PCDH9: variants seen among roughly 807,000 people sequenced by gnomAD.
PCDH9 encodes the protein protocadherin-9.
PCDH9 carries 24 observed loss-of-function variants against 70.6 expected under a neutral mutation model. That is an observed-to-expected ratio of 0.34 (90% CI 0.25 to 0.48). The LOEUF (loss-of-function observed/expected upper bound fraction) is 0.48, where lower values mean the gene tolerates loss of function less well. PCDH9 is among the 20% of genes least tolerant of loss of function. The pLI, the probability that PCDH9 is intolerant of heterozygous loss-of-function variation, is 0.99. For missense variants in PCDH9, 1,281 were observed against 1,503.6 expected (o/e 0.85, Z 2.45); for synonymous variants, 562 against 558.5 (o/e 1.01, Z -0.09).
rs561490676 is a variant in PCDH9 at position 66,393,243 on chromosome 13, G to T, written c.3341-88215C>A. On this transcript the variant is annotated intron_variant, in intron 4 of 4. Coordinates refer to ENST00000377865, the MANE Select transcript of PCDH9 (RefSeq NM_203487.3). ...TAATAGAAAATTCAGAATACAGGTG[G>T]TATTTCATGTCTACAAGTAGCCACT... is the stretch of plus-strand genomic sequence containing the variant. Among the ~76,000 whole-genome samples the T allele has an allele frequency of 6.7e-5, 10 of 148,496 alleles. No individual in the cohort carries two copies. The South Asian group carries it at 2.1e-3, about 32-fold the overall frequency.
At chr13:66,747,698 T>C (rs368808226) in intron 3 of PCDH9, among the ~76,000 whole-genome samples, 1 of 152,086 alleles carries the variant, frequency 6.6e-6, no homozygotes, top group East Asian at 1.9e-4. Context: ...AAAAATAAAA[T>C]ATTCTCAATG....
At chr13:66,833,574 T>C (rs549929605) in intron 3 of PCDH9, among the ~76,000 whole-genome samples, 1 of 152,344 alleles carries the variant, frequency 6.6e-6, no homozygotes, top group African/African-American at 2.4e-5. Flanking sequence ...CAATTTCTCA[T>C]CTTTGTAGTC....
chr13:66,557,217 A>T (rs541481233), intron 4 of PCDH9, among the ~76,000 whole-genome samples: 1 of 152,330 alleles, frequency 6.6e-6, no homozygotes, highest in South Asian at 2.1e-4. Flanking sequence ...TTGTGCATAA[A>T]CCATTCAAAA....
chr13:66,870,352 A>G (rs1459556744), intron 3 of PCDH9, among the ~76,000 whole-genome samples: 1 of 152,184 alleles, frequency 6.6e-6, no homozygotes, highest in Non-Finnish European at 1.5e-5. Context: ...GAAGTCAGGT[A>G]GCATGATGCC....
chr13:66,823,467 T>C (rs1317870553), intron 3 of PCDH9, among the ~76,000 whole-genome samples: 1 of 151,832 alleles, frequency 6.6e-6, no homozygotes, highest in Non-Finnish European at 1.5e-5. Context: ...CTTCAAAATA[T>C]TGAATTTGCA....
At chr13:66,479,296 A>G (rs954292082) in intron 4 of PCDH9, among the ~76,000 whole-genome samples, 1 of 152,236 alleles carries the variant, frequency 6.6e-6, no homozygotes, top group African/African-American at 2.4e-5. Flanking sequence ...GAAGCAGATT[A>G]ATGTTTTCAT....
chr13:66,574,662 G>C (rs1213138460), intron 4 of PCDH9, among the ~76,000 whole-genome samples: 1 of 152,180 alleles, frequency 6.6e-6, no homozygotes, highest in Non-Finnish European at 1.5e-5. Flanking sequence ...ATTTAAGCCA[G>C]TGTGTCTATT....
At chr13:66,326,571 A>T (rs1180399597) in intron 4 of PCDH9, among the ~76,000 whole-genome samples, 1 of 151,898 alleles carries the variant, frequency 6.6e-6, no homozygotes, top group African/African-American at 2.4e-5. Context: ...GGCGCCCGCC[A>T]CCACGCCCGG....
At chr13:66,831,782 GT>G (rs2080929570) in intron 3 of PCDH9, among the ~76,000 whole-genome samples, 1 of 152,030 alleles carries the variant, frequency 6.6e-6, no homozygotes, top group African/African-American at 2.4e-5. Flanking sequence ...GTATTTTGGG[GT>G]TACAATTAGT....
chr13:66,759,829 T>G (rs564752681), intron 3 of PCDH9, among the ~76,000 whole-genome samples: 3 of 152,314 alleles, frequency 2.0e-5, no homozygotes, highest in African/African-American at 7.2e-5. Flanking sequence ...TTATTAAAAT[T>G]TTGAATATTT....
At chr13:66,933,420 A>G (rs2082849190) in intron 2 of PCDH9, among the ~76,000 whole-genome samples, 3 of 152,196 alleles carry the variant, frequency 2.0e-5, no homozygotes, top group African/African-American at 4.8e-5. Flanking sequence ...TCAACAGTAT[A>G]TATTATCATG....
intron 3 of PCDH9, among the ~76,000 whole-genome samples, chr13:66,866,103 C>T (rs529032647): frequency 1.4e-4 from 21 of 152,250 alleles, no homozygotes; most frequent in South Asian, 4.1e-4. Context: ...TAAATATGTG[C>T]ACACAATATT....
At chr13:66,847,998 T>G (rs1873472155) in intron 3 of PCDH9, among the ~76,000 whole-genome samples, 1 of 152,224 alleles carries the variant, frequency 6.6e-6, no homozygotes, top group South Asian at 2.1e-4. Flanking sequence ...TTTGTGTATT[T>G]GTGTATGTGT....
In PCDH9 at chr13:67,127,674, A is replaced by ATGTG. The variant is rs772540157; in HGVS notation, c.3036+97730_3036+97731insCACA. 9.0e-3 allele frequency among the ~76,000 whole-genome samples: 533 copies of ATGTG among 59,238 alleles called. 1 individual carries two copies. Among genetic ancestry groups the ATGTG allele is most frequent in the Middle Eastern group, 0.024 (3 of 126 alleles). The allele number at this position is 59,238 out of a possible 152,430, so 38.9% of individuals were successfully genotyped here. ...CAAGACTTTTTTATCATATATATAT[A>ATGTG]TATGTGTGTGTGTGTGTGTGTGTGT... On this transcript the variant is annotated intron_variant, in intron 2 of 4. Transcript: ENST00000377865.
chr13:66,444,929 G>A (rs573762429), intron 4 of PCDH9, among the ~76,000 whole-genome samples: 1 of 151,644 alleles, frequency 6.6e-6, no homozygotes, highest in Non-Finnish European at 1.5e-5. Flanking sequence ...AAAGATTATT[G>A]TGCTGACAAC....
chr13:66,315,062 C>G (rs1330174054), intron 4 of PCDH9, among the ~76,000 whole-genome samples: 3 of 152,152 alleles, frequency 2.0e-5, no homozygotes, highest in East Asian at 3.9e-4. Flanking sequence ...CAATTGCTGG[C>G]TTTGAAGACA....
chr13:67,080,541 T>C (rs1168457333), intron 2 of PCDH9, among the ~76,000 whole-genome samples: 1 of 152,212 alleles, frequency 6.6e-6, no homozygotes, highest in Non-Finnish European at 1.5e-5. Flanking sequence ...TAGGTGTCAC[T>C]CAGATTAGTT....
At chr13:67,102,534 GA>G (rs140629908) in intron 2 of PCDH9, among the ~76,000 whole-genome samples, 10 of 149,670 alleles carry the variant, frequency 6.7e-5, no homozygotes, top group South Asian at 2.1e-4. Flanking sequence ...CTTTCAAATA[GA>G]AAAAAAAACA....
chr13:66,355,738 G>A (rs1188077761), intron 4 of PCDH9, among the ~76,000 whole-genome samples: 2 of 152,130 alleles, frequency 1.3e-5, no homozygotes, highest in African/African-American at 4.8e-5. Context: ...TGAAAATAAA[G>A]TGACCACAGG....
Sources: allele counts gnomAD v4.1 joint callset (sites outside exome capture counted in the v4.1 genomes callset), GRCh38; gene constraint gnomAD v4.1.1; transcripts MANE v1.5; gene names NCBI Gene and HGNC (gene_info 2026-07-23, HGNC 2026-07-21).